Variants in ARHGEF4 observed in about 807,000 individuals in gnomAD.
The protein encoded by ARHGEF4 is Rho guanine nucleotide exchange factor 4, also known as APC-stimulated guanine nucleotide exchange factor 1.
A neutral mutation model predicts 162.0 loss-of-function variants in ARHGEF4; 119 were observed. The observed-to-expected ratio is 0.73, with a 90% confidence interval of 0.63 to 0.86. ARHGEF4 has a LOEUF of 0.86. Ranked by LOEUF, ARHGEF4 falls within the 40% of genes least tolerant of loss-of-function variation. ARHGEF4 has a pLI of 0.00. For synonymous variants in ARHGEF4, 1,014 were observed against 979.9 expected, an observed-to-expected ratio of 1.03 and a Z score of -0.65; for missense variants, 2,488 against 2,456.0, an observed-to-expected ratio of 1.01 and a Z score of -0.28.
chr2:130,885,564 CTTTTTTTTTTTT>C (rs961513941), intron 1 of ARHGEF4, among the ~76,000 whole-genome samples: 1 of 100,436 alleles, frequency 1.0e-5, no homozygotes, highest in Non-Finnish European at 1.9e-5. Context: ...TTTTCTTATT[CTTTTTTTTTTTT>C]TTTTTTTTTT....
chr2:130,855,620 C>T (rs144426154), intron 1 of ARHGEF4, among the ~76,000 whole-genome samples: 18 of 152,284 alleles, frequency 1.2e-4, no homozygotes, highest in South Asian at 4.1e-4. Flanking sequence ...GGCATGCATA[C>T]TTGCATGACT....
chr2:130,993,291 C>G (rs13034966), intron 4 of ARHGEF4, among the ~76,000 whole-genome samples: 1 of 152,100 alleles, frequency 6.6e-6, no homozygotes, highest in African/African-American at 2.4e-5. Context: ...TTCAAATATA[C>G]ACAGATATTC....
At chr2:130,869,989 G>A (rs1192773472) in intron 1 of ARHGEF4, among the ~76,000 whole-genome samples, 1 of 152,226 alleles carries the variant, frequency 6.6e-6, no homozygotes, top group African/African-American at 2.4e-5. Context: ...GCTGGCTCTG[G>A]CAACAGCTGA....
At chr2:130,964,775 C>A (rs933158138) in intron 4 of ARHGEF4, among the ~76,000 whole-genome samples, 1 of 152,214 alleles carries the variant, frequency 6.6e-6, no homozygotes. Flanking sequence ...GGTCCTGGAC[C>A]CCTCTGAACA....
intron 2 of ARHGEF4, among the ~76,000 whole-genome samples, chr2:130,925,654 A>G (rs1162820575): frequency 1.3e-5 from 2 of 152,182 alleles, no homozygotes; most frequent in East Asian, 3.8e-4. Context: ...GTTTTATGTC[A>G]CTTCCTTCTG....
At chr2:130,990,905 G>A (rs1686906985) in intron 4 of ARHGEF4, among the ~76,000 whole-genome samples, 1 of 152,106 alleles carries the variant, frequency 6.6e-6, no homozygotes, top group East Asian at 1.9e-4. Context: ...ACCTCACACA[G>A]ATATAGGGTT....
At chr2:130,896,035 GTTTATTTA>G (rs540672490) in intron 1 of ARHGEF4, among the ~76,000 whole-genome samples, 8 of 151,826 alleles carry the variant, frequency 5.3e-5, no homozygotes, top group Non-Finnish European at 1.0e-4. Flanking sequence ...ATTTGGTGGG[GTTTATTTA>G]TTTATTTATT....
At chr2:130,880,305 G>T (rs1243695019) in intron 1 of ARHGEF4, among the ~76,000 whole-genome samples, 1 of 152,180 alleles carries the variant, frequency 6.6e-6, no homozygotes, top group Non-Finnish European at 1.5e-5. Flanking sequence ...GTGGAACAGG[G>T]ATTTGTACCC....
chr2:130,962,598 T>A (rs553752151), intron 4 of ARHGEF4, among the ~76,000 whole-genome samples: 186 of 152,234 alleles, frequency 1.2e-3, no homozygotes, highest in Non-Finnish European at 2.5e-3. Flanking sequence ...CACATATAGC[T>A]TCCGGATGGA....
intron 4 of ARHGEF4, among the ~76,000 whole-genome samples, chr2:130,965,980 A>G (rs905472769): frequency 4.6e-5 from 7 of 152,136 alleles, no homozygotes; most frequent in Admixed American, 1.3e-4. Flanking sequence ...AGGGTTTAAA[A>G]CAACATGATG....
intron 3 of ARHGEF4, among the ~76,000 whole-genome samples, chr2:130,943,973 T>C (rs1472561825): frequency 6.6e-6 from 1 of 152,248 alleles, no homozygotes; most frequent in Non-Finnish European, 1.5e-5. Flanking sequence ...TGCTTTAGAA[T>C]AGGTATACTG....
At position 130,916,007 on chromosome 2, in the gene ARHGEF4, T is replaced by A. The variant is rs199747870; in HGVS notation, c.2061T>A (p.Asn687Lys). 7.5e-4 allele frequency: 1,160 copies of A among 1,550,338 alleles called. 1 individual carries two copies. The highest frequency in any genetic ancestry group is 9.4e-4 in the Non-Finnish European group (1,081 of 1,146,924). The stretch of plus-strand genomic sequence containing the variant: ...CTAGGGGGAAAACACCAGCCGGTAA[T>A]GAGTGTGAGTTGCCAGCAGCCCCCA... ...SPTRGKTPAG[N>K]ECELPAAPIQ... Residue 687 changes from asparagine (N) to lysine (K), a missense_variant, in exon 2 of 14, where the codon AAT (asparagine) becomes AAA (lysine). By Grantham distance (94) the Asn-to-Lys change is moderately conservative. Coordinates refer to ENST00000409359, the MANE Select transcript of ARHGEF4 (RefSeq NM_001367493.1).
At chr2:130,905,185 T>G (rs1408780894) in intron 1 of ARHGEF4, among the ~76,000 whole-genome samples, 2 of 152,238 alleles carry the variant, frequency 1.3e-5, no homozygotes, top group African/African-American at 2.4e-5. Context: ...TTATCGCACA[T>G]TCTCTATTTT....
chr2:130,948,843 G>A (rs545935190), intron 4 of ARHGEF4, among the ~76,000 whole-genome samples: 22 of 152,252 alleles, frequency 1.4e-4, no homozygotes, highest in African/African-American at 5.1e-4. Context: ...GAAAGCTCCT[G>A]TTTTCCTATT....
chr2:131,016,103 T>C (rs977960960), intron 4 of ARHGEF4, among the ~76,000 whole-genome samples: 1 of 152,084 alleles, frequency 6.6e-6, no homozygotes, highest in African/African-American at 2.4e-5. Context: ...AACCCCACCC[T>C]CTTGCTTCTG....
At chr2:130,866,206 A>G (rs1168197814) in intron 1 of ARHGEF4, among the ~76,000 whole-genome samples, 1 of 152,074 alleles carries the variant, frequency 6.6e-6, no homozygotes, top group African/African-American at 2.4e-5. Context: ...CCACATCTCT[A>G]GAGACCAAAA....
At chr2:130,954,228 A>C (rs971455077) in intron 4 of ARHGEF4, among the ~76,000 whole-genome samples, 1 of 152,258 alleles carries the variant, frequency 6.6e-6, no homozygotes, top group Non-Finnish European at 1.5e-5. Flanking sequence ...GAGCCATAAA[A>C]AAGGATGAGT....
chr2:131,041,633 A>T, intron 9 of ARHGEF4, 171 bp downstream of exon 9: 2 of 1,116,738 alleles, frequency 1.8e-6, no homozygotes, highest in Non-Finnish European at 2.5e-6. Context: ...CCAACAGGAT[A>T]TTAAGCTCTG....
intron 4 of ARHGEF4, among the ~76,000 whole-genome samples, chr2:131,009,338 A>G (rs1688311098): frequency 6.6e-6 from 1 of 152,208 alleles, no homozygotes; most frequent in African/African-American, 2.4e-5. Flanking sequence ...CTGTCATTCA[A>G]CAAAGGTCTG....
Sources: gnomAD v4.1 joint callset for allele counts (sites outside exome capture counted in the v4.1 genomes callset) on GRCh38, gnomAD v4.1.1 for gene constraint, MANE v1.5 for transcripts, NCBI Gene and HGNC (gene_info 2026-07-23, HGNC 2026-07-21) for gene names.